The following LSAMP variants were observed in gnomAD, a reference collection of about 807,000 sequenced individuals.
The protein encoded by LSAMP is limbic system associated membrane protein.
Under a neutral mutation model 38.6 loss-of-function variants are expected in LSAMP, and 7 were observed. That is an observed-to-expected ratio of 0.18 (90% CI 0.10 to 0.34). LSAMP has a LOEUF of 0.34. LSAMP is among the 10% of genes least tolerant of loss of function. The pLI is 1.00. For synonymous variants in LSAMP, 154 were observed against 166.8 expected (o/e 0.92, Z 0.59); for missense variants, 313 against 420.0 (o/e 0.75, Z 2.23).
chr3:116,203,638 G>T (rs1375779943), intron 1 of LSAMP, among the ~76,000 whole-genome samples: 1 of 147,622 alleles, frequency 6.8e-6, no homozygotes, highest in African/African-American at 2.5e-5. Flanking sequence ...CTATGAGTGA[G>T]AATATGCGGT....
intron 1 of LSAMP, among the ~76,000 whole-genome samples, chr3:116,200,773 C>T (rs1309017002): frequency 1.3e-5 from 2 of 152,130 alleles, no homozygotes; most frequent in African/African-American, 2.4e-5. Flanking sequence ...TATGAAGCAA[C>T]CAAACAAAAA....
At chr3:116,288,838 A>G (rs1026197301) in intron 1 of LSAMP, among the ~76,000 whole-genome samples, 3 of 152,206 alleles carry the variant, frequency 2.0e-5, no homozygotes, top group African/African-American at 7.2e-5. Flanking sequence ...CTGTCTTAGT[A>G]TTTATTAAGT....
At chr3:116,186,024 AG>A (rs1359228377) in intron 1 of LSAMP, among the ~76,000 whole-genome samples, 9 of 152,038 alleles carry the variant, frequency 5.9e-5, no homozygotes, top group Middle Eastern at 3.4e-3. Flanking sequence ...TTTTAATGCT[AG>A]GTACTTTTAT....
At chr3:115,854,752 G>A (rs1335966968) in intron 3 of LSAMP, among the ~76,000 whole-genome samples, 11 of 152,138 alleles carry the variant, frequency 7.2e-5, no homozygotes, top group Non-Finnish European at 1.3e-4. Flanking sequence ...TAAGTGTCAT[G>A]CCAACTATTT....
intron 1 of LSAMP, among the ~76,000 whole-genome samples, chr3:116,442,141 A>G (rs1465970145): frequency 2.0e-5 from 3 of 152,196 alleles, no homozygotes; most frequent in Non-Finnish European, 4.4e-5. Flanking sequence ...ACTAAAGATC[A>G]TAATTATACA....
intron 1 of LSAMP, among the ~76,000 whole-genome samples, chr3:116,153,285 G>A (rs534357255): frequency 6.6e-6 from 1 of 152,140 alleles, no homozygotes; most frequent in Admixed American, 6.6e-5. Context: ...GAAATGCAAG[G>A]GATTTCTCAG....
chr3:116,277,082 A>G (rs941693379), intron 1 of LSAMP, among the ~76,000 whole-genome samples: 3 of 152,222 alleles, frequency 2.0e-5, no homozygotes, highest in Non-Finnish European at 4.4e-5. Flanking sequence ...GCATCAATGG[A>G]TACCTGAGGG....
chr3:115,817,477 C>T (rs1471791545), intron 6 of LSAMP, among the ~76,000 whole-genome samples: 1 of 152,138 alleles, frequency 6.6e-6, no homozygotes, highest in Non-Finnish European at 1.5e-5. Context: ...AAATAAGTCT[C>T]AGGGTCGGAA....
At chr3:116,236,849 A>G (rs1329546733) in intron 1 of LSAMP, among the ~76,000 whole-genome samples, 2 of 106,730 alleles carry the variant, frequency 1.9e-5, no homozygotes, top group African/African-American at 2.9e-5. Flanking sequence ...TAGTCTGCCT[A>G]TATGGGCCTT....
chr3:115,815,829 C>CT (rs1389601693), intron 6 of LSAMP, among the ~76,000 whole-genome samples: 3 of 152,144 alleles, frequency 2.0e-5, no homozygotes, highest in African/African-American at 7.2e-5. Flanking sequence ...ATATTCATGG[C>CT]TGCCTCTTCC....
intron 6 of LSAMP, among the ~76,000 whole-genome samples, chr3:115,824,997 C>T (rs951597225): frequency 6.6e-6 from 1 of 152,158 alleles, no homozygotes; most frequent in South Asian, 2.1e-4. Context: ...TTTTTGAATA[C>T]ATTTTAAATT....
intron 1 of LSAMP, among the ~76,000 whole-genome samples, chr3:116,396,963 T>C (rs1438937762): frequency 6.6e-6 from 1 of 152,190 alleles, no homozygotes; most frequent in East Asian, 1.9e-4. Flanking sequence ...CAATTCTTCC[T>C]CTTGTACCAC....
chr3:116,263,219 C>A (rs1474359959), intron 1 of LSAMP, among the ~76,000 whole-genome samples: 1 of 152,152 alleles, frequency 6.6e-6, no homozygotes, highest in East Asian at 1.9e-4. Flanking sequence ...CTGCTCTCAA[C>A]CGCAGGAACT....
chr3:116,368,926 A>G (rs2048393554), intron 1 of LSAMP, among the ~76,000 whole-genome samples: 1 of 152,182 alleles, frequency 6.6e-6, no homozygotes, highest in Non-Finnish European at 1.5e-5. Context: ...TCACTGGAAA[A>G]GAAAGTTTAT....
intron 1 of LSAMP, among the ~76,000 whole-genome samples, chr3:116,111,635 C>T (rs1475295440): frequency 6.6e-6 from 1 of 152,072 alleles, no homozygotes; most frequent in Non-Finnish European, 1.5e-5. Flanking sequence ...CCTTTTAACA[C>T]TCATTTTTTG....
intron 1 of LSAMP, among the ~76,000 whole-genome samples, chr3:116,429,437 G>GT (rs947563641): frequency 4.6e-5 from 7 of 151,938 alleles, no homozygotes; most frequent in East Asian, 3.9e-4. Context: ...AAGAAAAGTG[G>GT]TTTTTTTTAA....
At chr3:115,913,716 A>C (rs1013568284) in intron 3 of LSAMP, among the ~76,000 whole-genome samples, 1 of 152,218 alleles carries the variant, frequency 6.6e-6, no homozygotes, top group Non-Finnish European at 1.5e-5. Context: ...AAGAGAAAAA[A>C]GAGTAATGCC....
intron 1 of LSAMP, among the ~76,000 whole-genome samples, chr3:116,374,256 A>C (rs2048466796): frequency 6.6e-6 from 1 of 151,932 alleles, no homozygotes; most frequent in Admixed American, 6.6e-5. Flanking sequence ...AGGCATTTTC[A>C]ATAAAATCAC....
intron 3 of LSAMP, among the ~76,000 whole-genome samples, chr3:115,918,180 C>T (rs1054403575): frequency 6.6e-5 from 10 of 152,080 alleles, no homozygotes; most frequent in African/African-American, 1.9e-4. Context: ...CCATTAAGAC[C>T]CTGGGTCTAT....
Sources: allele counts gnomAD v4.1 joint callset (sites outside exome capture counted in the v4.1 genomes callset), GRCh38; gene constraint gnomAD v4.1.1; transcripts MANE v1.5; gene names NCBI Gene and HGNC (gene_info 2026-07-23, HGNC 2026-07-21).